Variants in HDHD2 observed in about 807,000 individuals in gnomAD.
HDHD2 encodes haloacid dehalogenase like hydrolase domain containing 2.
Under a neutral mutation model 24.8 loss-of-function variants are expected in HDHD2, and 26 were observed. The ratio of observed to expected loss-of-function variants is 1.05; its 90% CI spans 0.77 to 1.45. HDHD2 has a LOEUF of 1.45. Among genes scored for constraint, HDHD2 ranks in the 40% most tolerant of loss-of-function variants. The pLI, the probability that HDHD2 is intolerant of heterozygous loss-of-function variation, is 0.00. For missense variants in HDHD2, 299 were observed against 313.4 expected, an observed-to-expected ratio of 0.95 and a Z score of 0.35; for synonymous variants, 128 against 114.9, an observed-to-expected ratio of 1.11 and a Z score of -0.73.
At chr18:47,109,978 G>A (rs2063502733) in intron 6 of HDHD2, 3 of 985,152 alleles carry the variant, frequency 3.0e-6, no homozygotes, top group Admixed American at 1.2e-4. Flanking sequence ...AGAAGAGAGG[G>A]GAGGGAGGAA....
chr18:47,113,108 T>C (rs1321364394), intron 5 of HDHD2, 68 bp from the exon 6 acceptor site: 3 of 1,312,218 alleles, frequency 2.3e-6, no homozygotes, highest in Non-Finnish European at 3.3e-6. Flanking sequence ...CATTACCAAC[T>C]GATTTATTAG....
chr18:47,112,995 C>T lies in HDHD2; in HGVS notation c.658G>A (p.Gly220Ser). 6.2e-7 allele frequency: 1 copy of T among 1,613,942 alleles called. No homozygotes were observed. Among genetic ancestry groups the T allele is most frequent in the African/African-American group, 1.3e-5 (1 of 75,006 alleles). Residue 220 changes from glycine to serine, a missense_variant, in exon 6 of 7, where the codon GGC becomes AGC. Gly to Ser is a moderately conservative substitution (Grantham distance 56, BLOSUM62 0). Transcript: ENST00000300605. ...VGGAQDVGML[G>S]ILVKTGKYRA... ...TACATACCAGTCTTTACTAAGATGCCCAGCATGCCGACATCTTGAGCCCCA... is the reference window on the plus strand; with the variant it reads ...TACATACCAGTCTTTACTAAGATGCTCAGCATGCCGACATCTTGAGCCCCA...
At chr18:47,115,096 G>C in intron 5 of HDHD2, 36 bp downstream of exon 5, 1 of 1,489,938 alleles carries the variant, frequency 6.7e-7, no homozygotes. Context: ...AGCACAACAG[G>C]TGAGCTGGGA....
chr18:47,147,524 T>C (rs139296845), intron 1 of HDHD2, among the ~76,000 whole-genome samples: 1 of 152,164 alleles, frequency 6.6e-6, no homozygotes, highest in African/African-American at 2.4e-5. Flanking sequence ...TCTTTTCATA[T>C]ATACAGAGGA....
Position 47,134,663 on chromosome 18 carries a change from G to T in HDHD2, c.143C>A (p.Thr48Lys), listed in dbSNP as rs140851860. 3.9e-4 allele frequency: 633 copies of T among 1,614,036 alleles called. No homozygotes were observed. Among genetic ancestry groups the T allele is most frequent in the Non-Finnish European group, 5.0e-4 (591 of 1,180,008 alleles). Residue 48 changes from threonine (T) to lysine (K), a missense_variant, in exon 3 of 7, where the codon ACA (threonine) becomes AAA (lysine). Thr to Lys is a moderately conservative substitution (Grantham distance 78). Transcript: ENST00000300605. ...ASVIIRFVTN[T>K]TKESKQDLLE... is the part of the protein sequence containing the mutation. ...CAGGTCTTGCTTGCTCTCTTTGGTT[G>T]TATTGGTCACAAACCTAATGATTAC...
intron 6 of HDHD2, chr18:47,109,182 A>C (rs1282645705): frequency 6.0e-6 from 1 of 166,014 alleles, no homozygotes; most frequent in Non-Finnish European, 1.3e-5. Flanking sequence ...TCCGCTCCCA[A>C]AGGCAACTGG....
intron 4 of HDHD2, among the ~76,000 whole-genome samples, chr18:47,122,299 T>C (rs923745622): frequency 1.3e-5 from 2 of 152,156 alleles, no homozygotes; most frequent in Non-Finnish European, 2.9e-5. Flanking sequence ...TGAGCTTCAG[T>C]TTCAAATGAA....
chr18:47,111,657 T>TG (rs1599920396), intron 6 of HDHD2: 3 of 985,362 alleles, frequency 3.0e-6, no homozygotes, highest in East Asian at 2.3e-4. Flanking sequence ...GAGTGACTGG[T>TG]GTTACTATCT....
At chr18:47,115,762 A>G (rs2063553734) in intron 4 of HDHD2, among the ~76,000 whole-genome samples, 1 of 152,224 alleles carries the variant, frequency 6.6e-6, no homozygotes, top group Non-Finnish European at 1.5e-5. Context: ...TTGTTGCTGC[A>G]GTGATATTAA....
At chr18:47,138,933 T>C (rs759767970) in intron 1 of HDHD2, among the ~76,000 whole-genome samples, 17 of 152,196 alleles carry the variant, frequency 1.1e-4, no homozygotes, top group Non-Finnish European at 2.5e-4. Flanking sequence ...TTTGACACAG[T>C]TGCGCATACT....
intron 1 of HDHD2, among the ~76,000 whole-genome samples, chr18:47,145,698 G>T (rs926919604): frequency 6.6e-6 from 1 of 152,122 alleles, no homozygotes; most frequent in Admixed American, 6.5e-5. Context: ...TTCATGACTT[G>T]AGGACAGAAA....
chr18:47,138,647 A>G (rs1287414217), intron 1 of HDHD2, among the ~76,000 whole-genome samples: 1 of 152,254 alleles, frequency 6.6e-6, no homozygotes, highest in East Asian at 1.9e-4. Context: ...CATACCTAAT[A>G]ACAGTGTGAT....
Position 47,108,334 on chromosome 18 carries a change from C to T in HDHD2, c.*348G>A, listed in dbSNP as rs1244488887. ...TTCAACTTTCTTCACAGTCTGAAAT[C>T]CCCCCTCCCTGTTTTCCAGTGAAGA... On this transcript the variant is annotated 3_prime_UTR_variant, in exon 7 of 7. Transcript: ENST00000300605. 3.6e-5 allele frequency: 7 copies of T among 192,632 alleles called. No individual in the cohort carries two copies. The highest frequency in any genetic ancestry group is 1.2e-4 in the Admixed American group (2 of 16,490). 11.9% of individuals were successfully genotyped at this position (192,632 alleles called of 1,614,324 possible). A position where few individuals can be genotyped will look rare whatever the true frequency, so the allele number is the denominator to read the frequency against.
intron 4 of HDHD2, among the ~76,000 whole-genome samples, chr18:47,120,980 A>C (rs1172840017): frequency 6.6e-6 from 1 of 152,184 alleles, no homozygotes; most frequent in African/African-American, 2.4e-5. Flanking sequence ...CATAATAATA[A>C]TGAAAAGTTT....
intron 4 of HDHD2, 113 bp downstream of exon 4, chr18:47,130,131 G>A (rs547679422): frequency 1.3e-5 from 8 of 615,340 alleles, no homozygotes; most frequent in Non-Finnish European, 1.7e-5. Flanking sequence ...CTATCCTAAT[G>A]TACAATTTAG....
intron 4 of HDHD2, among the ~76,000 whole-genome samples, chr18:47,125,486 C>T (rs1008270578): frequency 6.6e-6 from 1 of 152,130 alleles, no homozygotes; most frequent in Non-Finnish European, 1.5e-5. Context: ...TGGAAGCAAC[C>T]CATGTCCATT....
chr18:47,118,699 C>T (rs1461216983), intron 4 of HDHD2, among the ~76,000 whole-genome samples: 1 of 152,188 alleles, frequency 6.6e-6, no homozygotes, highest in Non-Finnish European at 1.5e-5. Flanking sequence ...TATGTAACAA[C>T]TCTGCACATC....
chr18:47,146,191 T>C (rs955845637), intron 1 of HDHD2, among the ~76,000 whole-genome samples: 5 of 149,058 alleles, frequency 3.4e-5, no homozygotes, highest in Admixed American at 1.3e-4. Context: ...GATCACACCA[T>C]TGCACTTCAG....
chr18:47,115,324 C>T lies in HDHD2; in HGVS notation c.420G>A (p.Leu140=). 6.2e-7 allele frequency: 1 copy of T among 1,613,846 alleles called. No homozygotes were observed. Among genetic ancestry groups the T allele is most frequent in the African/African-American group, 1.3e-5 (1 of 75,018 alleles). The change falls in exon 5 of 7, where the codon CTG becomes CTA. Residue 140 remains leucine (L), a synonymous_variant. Transcript: ENST00000300605. ...AATACCTGGCTTTGTGGATTGCTAT[C>T]AGAGGTGCTCCATCCAGGAGTAACC... ...AFRLLLDGAP[L]IAIHKARYYK...
Sources: gnomAD v4.1 joint callset for allele counts (sites outside exome capture counted in the v4.1 genomes callset) on GRCh38, gnomAD v4.1.1 for gene constraint, MANE v1.5 for transcripts, NCBI Gene and HGNC (gene_info 2026-07-23, HGNC 2026-07-21) for gene names.